Variants in FGF12 observed in about 807,000 individuals in gnomAD.
FGF12 encodes the protein fibroblast growth factor 12.
In FGF12, 14 loss-of-function variants were observed where a neutral mutation model predicts 23.6. The observed-to-expected ratio is 0.59, with a 90% CI of 0.39 to 0.93. FGF12 has a LOEUF of 0.93. Ranked by LOEUF, FGF12 falls within the 40% of genes least tolerant of loss-of-function variation. The pLI, the probability that FGF12 is intolerant of heterozygous loss-of-function variation, is 0.00. For synonymous variants in FGF12, 62 were observed against 77.3 expected (o/e 0.80, Z 1.04); for missense variants, 175 against 217.8 (o/e 0.80, Z 1.24).
chr3:192,588,359 A>AAG (rs1385489266), intron 2 of FGF12, among the ~76,000 whole-genome samples: 3 of 148,618 alleles, frequency 2.0e-5, no homozygotes, highest in Admixed American at 6.7e-5. Context: ...CAAAAAAAAA[A>AAG]AAAAAAAAGA....
At chr3:192,720,687 A>C (rs1022506032) in intron 2 of FGF12, among the ~76,000 whole-genome samples, 1 of 152,170 alleles carries the variant, frequency 6.6e-6, no homozygotes, top group African/African-American at 2.4e-5. Flanking sequence ...ACACTCTCTT[A>C]ACACTAAAGA....
chr3:192,575,274 T>C (rs1307364114), intron 2 of FGF12, among the ~76,000 whole-genome samples: 1 of 152,234 alleles, frequency 6.6e-6, no homozygotes, highest in East Asian at 1.9e-4. Context: ...ATCATGGTAA[T>C]AGTTTCATGT....
intron 2 of FGF12, among the ~76,000 whole-genome samples, chr3:192,464,165 G>C (rs1560118988): frequency 6.6e-6 from 1 of 152,098 alleles, no homozygotes; most frequent in African/African-American, 2.4e-5. Flanking sequence ...AGGTCTGGGG[G>C]GAACATGTGG....
Position 192,408,948 on chromosome 3 carries a change from A to C in FGF12, c.14-48410T>G, listed in dbSNP as rs1338761924. On this transcript the variant is annotated intron_variant, in intron 2 of 5. Transcript: ENST00000445105. This position sits in a 1 kb window ranked among gnomAD's most constrained non-coding sequence, Gnocchi z 7.3. Reference sequence around the variant, plus strand: ...CGGCCACCCGAGTTCTGGAATTCCGAGAGGCGCGAAGTGGGAGCGGTTACC... The same window carrying C: ...CGGCCACCCGAGTTCTGGAATTCCGCGAGGCGCGAAGTGGGAGCGGTTACC... The C allele has an allele frequency of 1.0e-6, 1 of 984,668 alleles. No homozygotes were observed. The highest frequency in any genetic ancestry group is 6.2e-5 in the Admixed American group (1 of 16,216). The allele number at this position is 984,668 out of a possible 1,614,324, so 61.0% of individuals were successfully genotyped here.
intron 4 of FGF12, among the ~76,000 whole-genome samples, chr3:192,222,328 G>A (rs1377264232): frequency 3.3e-5 from 5 of 152,058 alleles, no homozygotes; most frequent in Non-Finnish European, 7.4e-5. Flanking sequence ...AAGGTTCTTC[G>A]GCTGTAACAT....
intron 2 of FGF12, among the ~76,000 whole-genome samples, chr3:192,463,232 A>G (rs1467035215): frequency 6.6e-6 from 1 of 152,108 alleles, no homozygotes; most frequent in African/African-American, 2.4e-5. Flanking sequence ...CAGCCTGGAC[A>G]ACGTGGCAAA....
chr3:192,195,086 C>T (rs1379919775), intron 4 of FGF12, among the ~76,000 whole-genome samples: 1 of 152,192 alleles, frequency 6.6e-6, no homozygotes, highest in Non-Finnish European at 1.5e-5. Flanking sequence ...ATTGGCAGTC[C>T]TATACGTAGC....
At chr3:192,169,389 C>A (rs1715413490) in intron 5 of FGF12, among the ~76,000 whole-genome samples, 1 of 152,064 alleles carries the variant, frequency 6.6e-6, no homozygotes, top group African/African-American at 2.4e-5. Flanking sequence ...AAGAAAAGTT[C>A]ATTTCATGTG....
intron 2 of FGF12, among the ~76,000 whole-genome samples, chr3:192,453,770 C>T (rs1722597866): frequency 6.6e-6 from 1 of 152,098 alleles, no homozygotes; most frequent in African/African-American, 2.4e-5. Context: ...TGGGATTAGT[C>T]TCCCAATTTC....
At chr3:192,711,958 A>G (rs932166654) in intron 2 of FGF12, among the ~76,000 whole-genome samples, 1 of 151,762 alleles carries the variant, frequency 6.6e-6, no homozygotes, top group African/African-American at 2.4e-5. Flanking sequence ...AAAAAAAAAA[A>G]AAAATGTAAA....
rs541723824 is a variant in FGF12, at chr3:192,511,300, G to T, written c.14-150762C>A. 2.6e-5 allele frequency among the ~76,000 whole-genome samples: 4 copies of T among 152,060 alleles called. No homozygotes were observed. In the East Asian group the frequency reaches 7.7e-4, roughly 29 times the overall value. On this transcript the variant is annotated intron_variant, in intron 2 of 5. Coordinates refer to ENST00000445105, the MANE Select transcript of FGF12 (RefSeq NM_004113.6). ...GTAGGGACCTACTGCCAAAAATGCT[G>T]CCCTTCTGTTTCAGATTGAGACTTA... is the stretch of plus-strand genomic sequence containing the variant.
In FGF12 at chr3:192,336,005, T is replaced by C. The variant is rs1370011148; in HGVS notation, c.125-541A>G. Among the ~76,000 whole-genome samples the C allele has an allele frequency of 6.6e-6, 1 of 151,996 alleles. No homozygotes were observed. The highest frequency in any genetic ancestry group is 1.5e-5 in the Non-Finnish European group (1 of 67,982). The stretch of plus-strand genomic sequence containing the variant: ...CATTCAGACAAAACTTTTTTCTTGA[T>C]ATCTCAATTTTTTACATGTAAATAA... On this transcript the variant is annotated intron_variant, in intron 3 of 5. Transcript: ENST00000445105. The surrounding 1 kb of genome is among the most constrained non-coding windows in gnomAD (Gnocchi z 4.3).
chr3:192,593,181 T>C (rs995514212), intron 2 of FGF12, among the ~76,000 whole-genome samples: 2 of 151,828 alleles, frequency 1.3e-5, no homozygotes, highest in African/African-American at 2.4e-5. Flanking sequence ...AGCCCTATAT[T>C]ATCTGCCCTT....
rs183143279 is a variant in FGF12, at chr3:192,686,295, C to T, written c.13+40886G>A. On this transcript the variant is annotated intron_variant, in intron 2 of 5. Transcript: ENST00000445105. ...GCTCTGAACAAAGAAGAGAGAAAGA[C>T]AGGCACAGAGGCAAGTTTATAAATG... Among the ~76,000 whole-genome samples, 261 of 152,212 alleles carry T rather than the reference C, an allele frequency of 1.7e-3. 1 individual carries two copies. The highest frequency in any genetic ancestry group is 6.1e-3 in the African/African-American group (253 of 41,520).
intron 2 of FGF12, among the ~76,000 whole-genome samples, chr3:192,645,378 A>G (rs1040351779): frequency 5.9e-5 from 9 of 152,350 alleles, no homozygotes; most frequent in Admixed American, 4.6e-4. Context: ...CACTTAATCA[A>G]CTGGACCTTA....
intron 2 of FGF12, among the ~76,000 whole-genome samples, chr3:192,480,967 T>G (rs1723463739): frequency 6.6e-6 from 1 of 152,210 alleles, no homozygotes; most frequent in Admixed American, 6.5e-5. Flanking sequence ...AAGGCTCCAT[T>G]ATAATTGGTC....
intron 2 of FGF12, among the ~76,000 whole-genome samples, chr3:192,452,951 C>A (rs73068309): frequency 0.26 from 39,947 of 152,038 alleles, 9,759 homozygotes; most frequent in African/African-American, 0.65. Flanking sequence ...CCTAATGTGC[C>A]TGTTTCTTTG....
intron 2 of FGF12, among the ~76,000 whole-genome samples, chr3:192,627,871 T>C (rs1321362817): frequency 6.6e-6 from 1 of 152,072 alleles, no homozygotes; most frequent in Non-Finnish European, 1.5e-5. Flanking sequence ...TGTGTGTGTG[T>C]GTGTGTGTTT....
rs192065814 is a variant in FGF12, at chr3:192,178,351, T to C, written c.229-7695A>G. Among the ~76,000 whole-genome samples the C allele has an allele frequency of 3.5e-4, 54 of 152,276 alleles. No individual in the cohort carries two copies. In the East Asian group the frequency reaches 4.2e-3, roughly 12 times the overall value. On this transcript the variant is annotated intron_variant, in intron 4 of 5. Coordinates refer to ENST00000445105, the MANE Select transcript of FGF12 (RefSeq NM_004113.6). ...TAATAAGCAAACAAAGAAAAATTAATCAGAGAAATAGACTTTGCTATTGTG... is the reference window on the plus strand; with the variant it reads ...TAATAAGCAAACAAAGAAAAATTAACCAGAGAAATAGACTTTGCTATTGTG...
Sources: allele counts gnomAD v4.1 joint callset (sites outside exome capture counted in the v4.1 genomes callset), GRCh38; gene constraint gnomAD v4.1.1; non-coding constraint Gnocchi (gnomAD v3.1); transcripts MANE v1.5; gene names NCBI Gene and HGNC (gene_info 2026-07-23, HGNC 2026-07-21).